The following ITFG1 variants were observed in gnomAD, a reference collection of about 807,000 sequenced individuals.
ITFG1 encodes the protein integrin alpha FG-GAP repeat containing 1.
Under a neutral mutation model 81.8 loss-of-function variants are expected in ITFG1, and 34 were observed. The observed-to-expected ratio is 0.42, with a 90% CI of 0.32 to 0.55. ITFG1 has a LOEUF of 0.55. Ranked by LOEUF, ITFG1 falls within the 20% of genes least tolerant of loss-of-function variation. The probability of loss-of-function intolerance (pLI) is 0.17; values close to 1 mark genes in which losing one functional copy is unlikely to be tolerated. For missense variants in ITFG1, 672 were observed against 755.4 expected (o/e 0.89, Z 1.29); for synonymous variants, 285 against 270.6 (o/e 1.05, Z -0.52).
intron 8 of ITFG1, among the ~76,000 whole-genome samples, chr16:47,358,548 C>A (rs546022096): frequency 1.3e-5 from 2 of 152,240 alleles, no homozygotes; most frequent in South Asian, 4.1e-4. Context: ...AGATTCAGAA[C>A]AATTTTTAAT....
intron 6 of ITFG1, among the ~76,000 whole-genome samples, chr16:47,385,270 T>C (rs1238313839): frequency 6.6e-6 from 1 of 152,210 alleles, no homozygotes; most frequent in Non-Finnish European, 1.5e-5. Flanking sequence ...GGCACACTCA[T>C]GGCCTCTAAT....
At chr16:47,331,182 G>T (rs1411483846) in intron 8 of ITFG1, among the ~76,000 whole-genome samples, 3 of 152,126 alleles carry the variant, frequency 2.0e-5, no homozygotes, top group Non-Finnish European at 4.4e-5. Flanking sequence ...AAATGCAGCT[G>T]GAGGCCATTA....
intron 8 of ITFG1, among the ~76,000 whole-genome samples, chr16:47,323,488 T>C (rs1567459784): frequency 6.6e-6 from 1 of 152,176 alleles, no homozygotes; most frequent in South Asian, 2.1e-4. Context: ...TATTATCAGA[T>C]GTGGCTGCTT....
chr16:47,453,947 C>A (rs892240865), intron 3 of ITFG1, 66 bp downstream of exon 3: 21 of 1,021,040 alleles, frequency 2.1e-5, no homozygotes, highest in Non-Finnish European at 3.0e-5. Flanking sequence ...GATTTCAGAA[C>A]AATATTTTGT....
In ITFG1 at chr16:47,407,391, A is replaced by G. The variant is rs375491705; in HGVS notation, c.655+21413T>C. ...TTTTGAGACAGAGTCTTCCTCTGTC[A>G]CTCAGGCTGGAGTGCAGTGGTGTGA... On this transcript the variant is annotated intron_variant, in intron 6 of 17. Transcript: ENST00000320640. Among the ~76,000 whole-genome samples, 13 of 152,258 alleles carry G rather than the reference A, an allele frequency of 8.5e-5. No homozygotes were observed. The East Asian group carries it at 1.9e-3, about 23-fold the overall frequency.
Position 47,460,858 on chromosome 16 carries a change from T to A in ITFG1, c.188A>T (p.Asp63Val), listed in dbSNP as rs763344450. ...FGDLNSDKQT[D>V]LFVLRERNDL... ...CTGACTTTCCCGCAGCACGAAGAGA[T>A]CCGTCTGCTTGTCGGAGTTGAGGTC... Residue 63 changes from aspartate (D) to valine (V), a missense_variant, in exon 1 of 18, where the codon GAT becomes GTT. By Grantham distance (152) the Asp-to-Val change is radical. Transcript: ENST00000320640. The A allele has an allele frequency of 4.3e-6, 7 of 1,613,330 alleles. No homozygotes were observed. The highest frequency in any genetic ancestry group is 5.9e-6 in the Non-Finnish European group (7 of 1,179,952).
chr16:47,207,385 G>C (rs570718873), intron 14 of ITFG1, among the ~76,000 whole-genome samples: 5 of 152,262 alleles, frequency 3.3e-5, no homozygotes, highest in Admixed American at 3.3e-4. Context: ...CGCCCGGCCT[G>C]CTCTCTTATA....
At chr16:47,381,329 T>C (rs1048493415) in intron 6 of ITFG1, among the ~76,000 whole-genome samples, 49 of 152,330 alleles carry the variant, frequency 3.2e-4, no homozygotes, top group African/African-American at 1.2e-3. Context: ...TCCTTCAGTG[T>C]GATGTCTCAA....
chr16:47,364,569 G>A (rs1039436587), intron 8 of ITFG1, among the ~76,000 whole-genome samples: 1 of 152,086 alleles, frequency 6.6e-6, no homozygotes, highest in Non-Finnish European at 1.5e-5. Flanking sequence ...AATCAAATTA[G>A]CCAGAAAATT....
intron 14 of ITFG1, among the ~76,000 whole-genome samples, chr16:47,180,334 T>C (rs1965090255): frequency 1.3e-5 from 2 of 151,472 alleles, no homozygotes; most frequent in Non-Finnish European, 2.9e-5. Context: ...ACAGGAGACT[T>C]GAAAATATGG....
chr16:47,269,507 G>GAAAA (rs909630062), intron 10 of ITFG1, among the ~76,000 whole-genome samples: 1 of 106,672 alleles, frequency 9.4e-6, no homozygotes. Flanking sequence ...AAAAAAACTT[G>GAAAA]AAAAAAAAAA....
chr16:47,171,985 T>TA (rs1432582462), intron 14 of ITFG1, among the ~76,000 whole-genome samples: 1 of 152,220 alleles, frequency 6.6e-6, no homozygotes, highest in Non-Finnish European at 1.5e-5. Context: ...TGGTAACTGT[T>TA]ACATTCTTTA....
intron 7 of ITFG1, among the ~76,000 whole-genome samples, chr16:47,374,668 T>G (rs1313225477): frequency 6.6e-6 from 1 of 152,196 alleles, no homozygotes; most frequent in African/African-American, 2.4e-5. Context: ...ACCATATTTC[T>G]ATTATCAGAA....
intron 6 of ITFG1, among the ~76,000 whole-genome samples, chr16:47,423,500 G>A (rs978793399): frequency 2.6e-5 from 4 of 152,220 alleles, no homozygotes; most frequent in South Asian, 2.1e-4. Context: ...TATTTTGCCC[G>A]TTAATTGATG....
chr16:47,271,631 G>A lies in ITFG1; in HGVS notation c.1071-10936C>T, dbSNP rs184636935. Among the ~76,000 whole-genome samples, 4 of 152,290 alleles carry A rather than the reference G, an allele frequency of 2.6e-5. No homozygotes were observed. In the East Asian group the frequency reaches 7.7e-4, roughly 29 times the overall value. On this transcript the variant is annotated intron_variant, in intron 10 of 17. Coordinates refer to ENST00000320640, the MANE Select transcript of ITFG1 (RefSeq NM_030790.5). Reference sequence around the variant, plus strand: ...TCCCAGCACTTTGGGAGGCCGAGGCGGGTGGATCACGAGGTCAGGAGATTG... The same window carrying A: ...TCCCAGCACTTTGGGAGGCCGAGGCAGGTGGATCACGAGGTCAGGAGATTG...
At chr16:47,316,997 T>C (rs926731711) in intron 8 of ITFG1, among the ~76,000 whole-genome samples, 1 of 152,210 alleles carries the variant, frequency 6.6e-6, no homozygotes, top group African/African-American at 2.4e-5. Context: ...TCTCAGGTTT[T>C]CTTGAAGGCC....
intron 14 of ITFG1, among the ~76,000 whole-genome samples, chr16:47,186,309 A>G (rs1178257144): frequency 6.6e-6 from 1 of 152,216 alleles, no homozygotes; most frequent in African/African-American, 2.4e-5. Flanking sequence ...CACAAGCAAA[A>G]AAGAGAATTT....
chr16:47,390,481 T>C (rs2151595553), intron 6 of ITFG1, among the ~76,000 whole-genome samples: 1 of 152,262 alleles, frequency 6.6e-6, no homozygotes, highest in South Asian at 2.1e-4. Context: ...TTTATTGAGA[T>C]AGAGTCTTAC....
chr16:47,351,953 TG>T (rs1184590437), intron 8 of ITFG1, among the ~76,000 whole-genome samples: 5 of 152,038 alleles, frequency 3.3e-5, no homozygotes, highest in South Asian at 2.1e-4. Context: ...AAAAAAGAAA[TG>T]GGGAAAGGAT....
Sources: gnomAD v4.1 joint callset for allele counts (sites outside exome capture counted in the v4.1 genomes callset) on GRCh38, gnomAD v4.1.1 for gene constraint, MANE v1.5 for transcripts, NCBI Gene and HGNC (gene_info 2026-07-23, HGNC 2026-07-21) for gene names.